The following ADAMTS16 variants were observed in gnomAD, a reference collection of about 807,000 sequenced individuals.
ADAMTS16 encodes the protein ADAM metallopeptidase with thrombospondin type 1 motif 16.
In ADAMTS16, 94 loss-of-function variants were observed where a neutral mutation model predicts 145.8. The ratio of observed to expected loss-of-function variants is 0.64; its 90% confidence interval spans 0.55 to 0.77. ADAMTS16 has a LOEUF of 0.77. Ranked by LOEUF, ADAMTS16 falls within the 30% of genes least tolerant of loss-of-function variation. The pLI is 0.00. For missense variants in ADAMTS16, 1,585 were observed against 1,591.5 expected (o/e 1.00, Z 0.07); for synonymous variants, 659 against 604.3 (o/e 1.09, Z -1.33).
At chr5:5,148,691 G>A (rs113019703) in intron 3 of ADAMTS16, among the ~76,000 whole-genome samples, 187 of 152,262 alleles carry the variant, frequency 1.2e-3, no homozygotes, top group African/African-American at 4.3e-3. Flanking sequence ...AAGAAGAAAG[G>A]AAAAACTAAA....
intron 11 of ADAMTS16, 173 bp downstream of exon 11, chr5:5,223,057 T>A: frequency 1.9e-6 from 1 of 540,120 alleles, no homozygotes; most frequent in Non-Finnish European, 3.2e-6. Context: ...TGAAGAGGAA[T>A]CCTTTTCTCA....
intron 18 of ADAMTS16, among the ~76,000 whole-genome samples, chr5:5,296,369 C>T (rs1252106681): frequency 7.9e-5 from 12 of 152,210 alleles, no homozygotes; most frequent in African/African-American, 1.7e-4. Flanking sequence ...CCGGAGGAAT[C>T]GGTTGACCGG....
chr5:5,140,783 G>T lies in ADAMTS16; in HGVS notation c.175+17G>T. ...AAAAGGGCGGTAAGTCCGTGAGGTG[G>T]GGGCTTCTAATCCTTGCCATTTAGC... is the stretch of plus-strand genomic sequence containing the variant. On this transcript the variant is annotated intron_variant, in intron 2 of 22. Transcript: ENST00000274181. The T allele has an allele frequency of 6.5e-7, 1 of 1,544,510 alleles. No homozygotes were observed. Among genetic ancestry groups the T allele is most frequent in the Non-Finnish European group, 8.7e-7 (1 of 1,144,590 alleles).
intron 9 of ADAMTS16, 58 bp downstream of exon 9, chr5:5,200,327 G>C: frequency 6.3e-7 from 1 of 1,599,742 alleles, no homozygotes; most frequent in African/African-American, 1.3e-5. Flanking sequence ...CTCACTGCCT[G>C]GTCAGCCAGA....
chr5:5,232,600 CTTTTT>C lies in ADAMTS16; in HGVS notation c.1850+101_1850+105del, dbSNP rs748424956. On this transcript the variant is annotated intron_variant, in intron 12 of 22. Transcript: ENST00000274181. Reference sequence around the variant, plus strand: ...CAAGCAGTATGCCTGTGTCTCAGCTCTTTTTTTTTTTTTTTTTTTTTGAGATGGAG... The same window carrying C: ...CAAGCAGTATGCCTGTGTCTCAGCTCTTTTTTTTTTTTTTTTGAGATGGAG... 9.9e-3 allele frequency: 8,868 copies of C among 897,020 alleles called. 2 individuals carry two copies. The highest frequency in any genetic ancestry group is 0.011 in the Non-Finnish European group (7,012 of 662,898). 55.6% of individuals were successfully genotyped at this position (897,020 alleles called of 1,614,324 possible). A position where few individuals can be genotyped will look rare whatever the true frequency, so the allele number is the denominator to read the frequency against.
At chr5:5,209,809 C>T (rs1330440467) in intron 10 of ADAMTS16, among the ~76,000 whole-genome samples, 3 of 151,976 alleles carry the variant, frequency 2.0e-5, no homozygotes, top group Non-Finnish European at 2.9e-5. Context: ...AAGGGAAAAT[C>T]GAGATTTAGG....
Position 5,146,302 on chromosome 5 carries a change from C to A in ADAMTS16, c.348C>A (p.Ser116Arg). 6.2e-7 allele frequency: 1 copy of A among 1,614,182 alleles called. No individual in the cohort carries two copies. The highest frequency in any genetic ancestry group is 8.5e-7 in the Non-Finnish European group (1 of 1,180,028). The change falls in exon 3 of 23, where the codon AGC (serine) becomes AGA (arginine). Residue 116 changes from serine to arginine, a missense_variant. Physicochemically the swap from Ser to Arg is moderately radical, Grantham distance 110. Around this residue, in one of 3 missense-constraint regions of ADAMTS16, gnomAD observed 453 missense variants for 412.1 expected, o/e 1.10. Transcript: ENST00000274181. ...TCCACATGGATCTGAGGACTTCCAG[C>A]AGCCTAGTGGCTCCTGGCTTTATTG... ...HDFHMDLRTSSSLVAPGFIVQ... is the reference protein window; with the variant it reads ...HDFHMDLRTSRSLVAPGFIVQ...
In ADAMTS16 at chr5:5,140,491, GC is replaced by G; in HGVS notation, c.25del (p.Arg9GlyfsTer93). On this transcript the variant is annotated frameshift_variant, in exon 1 of 23. Transcript: ENST00000274181. LOFTEE classifies it high-confidence loss of function. MKPRARGW[R>X]GLAALWMLLA... ...GGATGAAGCCCCGCGCGCGCGGATG[GC>G]GGGGCTTGGCGGCGCTGTGGATGCT... 6.6e-7 allele frequency: 1 copy of G among 1,517,306 alleles called. No individual in the cohort carries two copies. The highest frequency in any genetic ancestry group is 1.2e-5 in the South Asian group (1 of 82,184). 94.0% of individuals were successfully genotyped at this position (1,517,306 alleles called of 1,614,324 possible). A position where few individuals can be genotyped will look rare whatever the true frequency, so the allele number is the denominator to read the frequency against.
At chr5:5,189,485 G>T (rs1407504905) in intron 6 of ADAMTS16, among the ~76,000 whole-genome samples, 4 of 152,132 alleles carry the variant, frequency 2.6e-5, no homozygotes, top group Non-Finnish European at 4.4e-5. Context: ...TTGTAGAAAA[G>T]ATATTTAATT....
chr5:5,172,650 G>A (rs1394091538), intron 3 of ADAMTS16, among the ~76,000 whole-genome samples: 1 of 152,002 alleles, frequency 6.6e-6, no homozygotes, highest in Non-Finnish European at 1.5e-5. Context: ...AGACTTTTTT[G>A]TGGCCTAACA....
At chr5:5,238,278 ATTTG>A (rs1357479877) in intron 14 of ADAMTS16, among the ~76,000 whole-genome samples, 1 of 152,180 alleles carries the variant, frequency 6.6e-6, no homozygotes, top group African/African-American at 2.4e-5. Context: ...GGGGACCTGA[ATTTG>A]TTTGGTGGCA....
intron 3 of ADAMTS16, among the ~76,000 whole-genome samples, chr5:5,180,030 T>C (rs1046470065): frequency 1.3e-5 from 2 of 152,212 alleles, no homozygotes; most frequent in Non-Finnish European, 2.9e-5. Flanking sequence ...CAGTTCACAC[T>C]GTACAAATGT....
At position 5,310,022 on chromosome 5, in the gene ADAMTS16, TGCC is replaced by T. The variant is rs1194023936; in HGVS notation, c.3411+3295_3411+3297del. On this transcript the variant is annotated intron_variant, in intron 21 of 22. Transcript: ENST00000274181. The surrounding 1 kb of genome is among the most constrained non-coding windows in gnomAD (Gnocchi z 4.3). ...GATTGAAGAATTCCTGAGACTGACC[TGCC>T]AGTGGGGCAAAACCCACCATAGGCC... Among the ~76,000 whole-genome samples, 22 of 152,150 alleles carry T rather than the reference TGCC, an allele frequency of 1.4e-4. No individual in the cohort carries two copies. The highest frequency in any genetic ancestry group is 2.9e-4 in the Non-Finnish European group (20 of 68,030).
chr5:5,148,024 G>T (rs185440989), intron 3 of ADAMTS16, among the ~76,000 whole-genome samples: 1 of 152,286 alleles, frequency 6.6e-6, no homozygotes, highest in East Asian at 1.9e-4. Flanking sequence ...CTTGATCAGA[G>T]TTAACAGGAA....
intron 18 of ADAMTS16, among the ~76,000 whole-genome samples, chr5:5,289,330 T>C (rs1353752634): frequency 2.0e-5 from 3 of 152,258 alleles, no homozygotes; most frequent in South Asian, 4.1e-4. Context: ...TCTTACTTAC[T>C]GCAATATTTG....
At chr5:5,234,610 A>C (rs1194093495) in intron 12 of ADAMTS16, among the ~76,000 whole-genome samples, 2 of 152,162 alleles carry the variant, frequency 1.3e-5, no homozygotes, top group Non-Finnish European at 2.9e-5. Flanking sequence ...GGTGGCTTCT[A>C]CCTGTAATCC....
intron 3 of ADAMTS16, among the ~76,000 whole-genome samples, chr5:5,180,683 A>T (rs993520838): frequency 5.9e-5 from 9 of 152,238 alleles, no homozygotes; most frequent in Non-Finnish European, 1.2e-4. Flanking sequence ...TATACTTTTA[A>T]CAAATTAATA....
intron 3 of ADAMTS16, among the ~76,000 whole-genome samples, chr5:5,158,771 A>G (rs751898579): frequency 2.0e-5 from 3 of 152,224 alleles, no homozygotes; most frequent in Non-Finnish European, 4.4e-5. Flanking sequence ...AACTCAAGCA[A>G]CTAAGTGGCA....
At chr5:5,182,403 G>T in intron 4 of ADAMTS16, 98 bp downstream of exon 4, 2 of 1,471,708 alleles carry the variant, frequency 1.4e-6, no homozygotes, top group Non-Finnish European at 1.8e-6. Context: ...TCTGCCCACG[G>T]GGTGAAATCT....
Sources: gnomAD v4.1 joint callset for allele counts (sites outside exome capture counted in the v4.1 genomes callset) on GRCh38, gnomAD v4.1.1 for gene constraint, gnomAD v4.1.1 regional missense constraint, Gnocchi (gnomAD v3.1) non-coding constraint, MANE v1.5 for transcripts, NCBI Gene and HGNC (gene_info 2026-07-23, HGNC 2026-07-21) for gene names.